ZCWPW2: variants seen among roughly 807,000 people sequenced by gnomAD.
ZCWPW2 encodes zinc finger CW-type and PWWP domain containing 2.
A neutral mutation model predicts 46.6 loss-of-function variants in ZCWPW2; 45 were observed. The ratio of observed to expected loss-of-function variants is 0.96; its 90% CI spans 0.76 to 1.24. The LOEUF (loss-of-function observed/expected upper bound fraction) is 1.24. ZCWPW2 is among the 50% of genes most tolerant of loss of function. The pLI, the probability that ZCWPW2 is intolerant of heterozygous loss-of-function variation, is 0.00. For missense variants in ZCWPW2, 429 were observed against 403.9 expected (o/e 1.06, Z -0.53); for synonymous variants, 152 against 137.1 (o/e 1.11, Z -0.76).
At chr3:28,492,451 T>C (rs921637989) in intron 6 of ZCWPW2, among the ~76,000 whole-genome samples, 1 of 152,066 alleles carries the variant, frequency 6.6e-6, no homozygotes, top group Non-Finnish European at 1.5e-5. Context: ...ATATTTCATA[T>C]ACATACTCAT....
At chr3:28,394,679 A>G (rs981782788) in intron 2 of ZCWPW2, among the ~76,000 whole-genome samples, 1 of 152,156 alleles carries the variant, frequency 6.6e-6, no homozygotes, top group South Asian at 2.1e-4. Context: ...TCTTCAACAA[A>G]TTGTCTTAAG....
chr3:28,482,247 G>A (rs1044452175), intron 5 of ZCWPW2, among the ~76,000 whole-genome samples: 1 of 152,116 alleles, frequency 6.6e-6, no homozygotes. Flanking sequence ...AGAATCATAT[G>A]ATATGTCACC....
intron 6 of ZCWPW2, among the ~76,000 whole-genome samples, chr3:28,499,885 G>A (rs6799999): frequency 0.014 from 2,131 of 151,966 alleles, 52 homozygotes; most frequent in African/African-American, 0.048. Flanking sequence ...AACATTTTCT[G>A]ATTTTCCTTT....
intron 3 of ZCWPW2, among the ~76,000 whole-genome samples, chr3:28,433,017 A>T (rs936641652): frequency 6.6e-6 from 1 of 152,034 alleles, no homozygotes; most frequent in African/African-American, 2.4e-5. Flanking sequence ...ATCCTCATCA[A>T]ATTGATTTTA....
chr3:28,425,011 G>A (rs988641624), intron 3 of ZCWPW2, among the ~76,000 whole-genome samples: 3 of 152,146 alleles, frequency 2.0e-5, no homozygotes, highest in African/African-American at 7.2e-5. Flanking sequence ...AAATTCTGAA[G>A]TTTTAATTCT....
chr3:28,456,090 A>G (rs547674265), intron 4 of ZCWPW2, among the ~76,000 whole-genome samples: 1 of 152,144 alleles, frequency 6.6e-6, no homozygotes, highest in East Asian at 1.9e-4. Context: ...GGCCATTTTC[A>G]TGATATTGAT....
chr3:28,473,017 A>G (rs1699095737), intron 4 of ZCWPW2, among the ~76,000 whole-genome samples: 1 of 152,228 alleles, frequency 6.6e-6, no homozygotes, highest in Non-Finnish European at 1.5e-5. Context: ...GGCAAATTAA[A>G]ACTACAATGA....
intron 5 of ZCWPW2, among the ~76,000 whole-genome samples, chr3:28,485,413 C>T (rs1699565649): frequency 6.6e-6 from 1 of 152,072 alleles, no homozygotes; most frequent in Non-Finnish European, 1.5e-5. Context: ...TCAAATATAT[C>T]CAGTTGATTG....
Position 28,396,529 on chromosome 3 carries a change from T to C in ZCWPW2, c.-14+5912T>C, listed in dbSNP as rs552687827. Reference sequence around the variant, plus strand: ...AGCATTGTTTACAAGTGAGATATTATCTAGAAAGTGAAAACGATGAAAATT... The same window carrying C: ...AGCATTGTTTACAAGTGAGATATTACCTAGAAAGTGAAAACGATGAAAATT... On this transcript the variant is annotated intron_variant, in intron 2 of 9. Transcript: ENST00000383768. Among the ~76,000 whole-genome samples the C allele has an allele frequency of 2.6e-4, 39 of 152,300 alleles. No individual in the cohort carries two copies. In the South Asian group the frequency reaches 6.4e-3, roughly 25 times the overall value.
At chr3:28,514,310 C>T (rs1700507751) in intron 7 of ZCWPW2, among the ~76,000 whole-genome samples, 188 bp downstream of exon 7, 1 of 151,932 alleles carries the variant, frequency 6.6e-6, no homozygotes. Flanking sequence ...GGATGCCTAC[C>T]TCCTATATTA....
chr3:28,372,136 T>C lies in ZCWPW2; in HGVS notation c.-133-18362T>C, dbSNP rs112891471. Among the ~76,000 whole-genome samples, 659 of 152,200 alleles carry C rather than the reference T, an allele frequency of 4.3e-3. 5 individuals are homozygous for C. Among genetic ancestry groups the C allele is most frequent in the Middle Eastern group, 0.017 (5 of 294 alleles). ...TTCTTGGCAGAATGGTTCCATACTT[T>C]AATTACCTTGCTAAAATTCATACTA... On this transcript the variant is annotated intron_variant, in intron 1 of 9. Coordinates refer to ENST00000383768, the MANE Select transcript of ZCWPW2 (RefSeq NM_001040432.4).
chr3:28,453,397 T>C (rs1251008660), intron 4 of ZCWPW2, among the ~76,000 whole-genome samples: 1 of 152,196 alleles, frequency 6.6e-6, no homozygotes, highest in Admixed American at 6.5e-5. Context: ...CCAACTTCAC[T>C]CAGTATATAA....
chr3:28,462,541 A>T (rs1698678793), intron 4 of ZCWPW2, among the ~76,000 whole-genome samples: 1 of 152,182 alleles, frequency 6.6e-6, no homozygotes, highest in Admixed American at 6.5e-5. Flanking sequence ...CAAATTTCTT[A>T]TTATCCTGGT....
intron 9 of ZCWPW2, among the ~76,000 whole-genome samples, chr3:28,523,606 A>G (rs1310089796): frequency 3.3e-5 from 5 of 152,132 alleles, no homozygotes; most frequent in Non-Finnish European, 7.4e-5. Context: ...TGTAAATTTG[A>G]TAATGTTTTC....
At chr3:28,486,054 C>A (rs1048100468) in intron 5 of ZCWPW2, among the ~76,000 whole-genome samples, 12 of 151,924 alleles carry the variant, frequency 7.9e-5, no homozygotes, top group East Asian at 7.7e-4. Flanking sequence ...TAAATAATTC[C>A]ATTTTCTTCC....
chr3:28,423,827 G>C lies in ZCWPW2; in HGVS notation c.332+10427G>C, dbSNP rs558543459. Reference sequence around the variant, plus strand: ...AGTAAATGCTTCTTGCAAGTTTGAAGTCCTCATTCCTCCTCCTCCCACCCT... The same window carrying C: ...AGTAAATGCTTCTTGCAAGTTTGAACTCCTCATTCCTCCTCCTCCCACCCT... On this transcript the variant is annotated intron_variant, in intron 3 of 9. Coordinates refer to ENST00000383768, the MANE Select transcript of ZCWPW2 (RefSeq NM_001040432.4). 1.3e-3 allele frequency among the ~76,000 whole-genome samples: 201 copies of C among 152,088 alleles called. 9 individuals are homozygous for C. The South Asian group carries it at 0.04, about 31-fold the overall frequency.
intron 5 of ZCWPW2, among the ~76,000 whole-genome samples, chr3:28,482,135 G>T (rs1187177017): frequency 3.3e-5 from 5 of 152,038 alleles, no homozygotes; most frequent in African/African-American, 1.2e-4. Flanking sequence ...AAAATCCTTT[G>T]TGTTCCAGCT....
intron 4 of ZCWPW2, among the ~76,000 whole-genome samples, chr3:28,451,425 T>C (rs774175917): frequency 6.6e-6 from 1 of 152,194 alleles, no homozygotes; most frequent in Non-Finnish European, 1.5e-5. Flanking sequence ...TGCCAACATA[T>C]ATATGCATAA....
chr3:28,464,055 C>G (rs11707705), intron 4 of ZCWPW2, among the ~76,000 whole-genome samples: 2,090 of 151,964 alleles, frequency 0.014, 56 homozygotes, highest in African/African-American at 0.047. Flanking sequence ...TACCTCCTTC[C>G]TCCCTATCTT....
Sources: gnomAD v4.1 joint callset for allele counts (sites outside exome capture counted in the v4.1 genomes callset) on GRCh38, gnomAD v4.1.1 for gene constraint, MANE v1.5 for transcripts, NCBI Gene and HGNC (gene_info 2026-07-23, HGNC 2026-07-21) for gene names.